TOP1MT: variants seen among roughly 807,000 people sequenced by gnomAD.
TOP1MT encodes DNA topoisomerase I mitochondrial, also known as DNA topoisomerase I, mitochondrial.
Under a neutral mutation model 73.9 loss-of-function variants are expected in TOP1MT, and 80 were observed. That is an observed-to-expected ratio of 1.08 (90% CI 0.90 to 1.30). The LOEUF (loss-of-function observed/expected upper bound fraction) is 1.30. Ranked by LOEUF, TOP1MT falls within the 50% of genes most tolerant of loss-of-function variation. The pLI is 0.00. For missense variants in TOP1MT, 815 were observed against 808.0 expected (o/e 1.01, Z -0.10); for synonymous variants, 338 against 326.4 (o/e 1.04, Z -0.38).
chr8:143,343,043 G>A (rs1406911085), intron 2 of TOP1MT, among the ~76,000 whole-genome samples: 2 of 152,106 alleles, frequency 1.3e-5, no homozygotes, highest in Non-Finnish European at 2.9e-5. Context: ...TTATAGGCAT[G>A]AGCCACCACG....
chr8:143,322,638 ACACGCCACACG>A (rs1458041771), intron 7 of TOP1MT, among the ~76,000 whole-genome samples: 1 of 41,132 alleles, frequency 2.4e-5, no homozygotes, highest in African/African-American at 6.8e-5. Flanking sequence ...CGTCACACAC[ACACGCCACACG>A]CACACCACAC....
At position 143,341,258 on chromosome 8, in the gene TOP1MT, C is replaced by G. The variant is rs1175388951; in HGVS notation, c.29+1962G>C. Among the ~76,000 whole-genome samples, 1 of 152,180 alleles carries G rather than the reference C, an allele frequency of 6.6e-6. No individual in the cohort carries two copies. Among genetic ancestry groups the G allele is most frequent in the African/African-American group, 2.4e-5 (1 of 41,442 alleles). On this transcript the variant is annotated intron_variant, in intron 2 of 5. Transcript: ENST00000518007. This position sits in a 1 kb window ranked among gnomAD's most constrained non-coding sequence, Gnocchi z 4.1. ...GTTTGTGCCTCTCTTCCACACAGCC[C>G]TTGCCCCGGCCAGTGTCTGTGAGCT... is the stretch of plus-strand genomic sequence containing the variant.
At position 143,309,712 on chromosome 8, in the gene TOP1MT, C is replaced by T. The variant is rs756385232; in HGVS notation, c.1704-169G>A. 5.3e-6 allele frequency: 8 copies of T among 1,523,798 alleles called. No individual in the cohort carries two copies. The African/African-American group carries it at 6.9e-5, about 13-fold the overall frequency. 94.4% of individuals were successfully genotyped at this position (1,523,798 alleles called of 1,614,324 possible). On this transcript the variant is annotated intron_variant, in intron 13 of 13. Coordinates refer to ENST00000329245, the MANE Select transcript of TOP1MT (RefSeq NM_052963.3). The stretch of plus-strand genomic sequence containing the variant: ...CAACCCCACCCCACGCATGCCGCCA[C>T]CCTGGAGCATCAGCGAGGTGTCAAA...
chr8:143,313,592 A>G (rs2129875741), intron 12 of TOP1MT, among the ~76,000 whole-genome samples: 1 of 149,298 alleles, frequency 6.7e-6, no homozygotes, highest in South Asian at 2.1e-4. Context: ...AGTGACTCAC[A>G]CCTGTAATCC....
At chr8:143,359,418 CAG>C (rs1231240505), upstream of TOP1MT, 1 of 985,252 alleles carries the variant, frequency 1.0e-6, no homozygotes, top group Admixed American at 6.2e-5. Flanking sequence ...GGGCAGAAGA[CAG>C]AGCGGAATCC....
rs146709361 is a variant in TOP1MT at position 143,321,254 on chromosome 8, A to G, written c.1093T>C (p.Phe365Leu). The G allele has an allele frequency of 6.2e-7, 1 of 1,612,396 alleles. No individual in the cohort carries two copies. The highest frequency in any genetic ancestry group is 2.2e-5 in the East Asian group (1 of 44,842). ...DGCQHVVEFDFLGKDCIRYYN... is the reference protein window; with the variant it reads ...DGCQHVVEFDLLGKDCIRYYN... ...TAGCGGATGCAGTCCTTCCCCAGGA[A>G]GTCAAATTCCACCACGTGTTGGCAG... Residue 365 changes from phenylalanine to leucine, a missense_variant, in exon 8 of 14, where the codon TTC becomes CTC. Physicochemically the swap from Phe to Leu is conservative, Grantham distance 22. Around this residue, in one of 3 missense-constraint regions of TOP1MT, gnomAD observed 751 missense variants for 725.4 expected, o/e 1.04. Coordinates refer to ENST00000329245, the MANE Select transcript of TOP1MT (RefSeq NM_052963.3).
chr8:143,309,439 C>G lies in TOP1MT; in HGVS notation c.*2G>C, dbSNP rs766705958. ...CAAAAGAAGTTTCAACACGGCTCGT[C>G]GTTAGAATTCAAAGTCTTCTCCTGC... On this transcript the variant is annotated 3_prime_UTR_variant, in exon 14 of 14. Coordinates refer to ENST00000329245, the MANE Select transcript of TOP1MT (RefSeq NM_052963.3). The G allele has an allele frequency of 1.2e-6, 2 of 1,613,246 alleles. No homozygotes were observed. Among genetic ancestry groups the G allele is most frequent in the East Asian group, 2.2e-5 (1 of 44,896 alleles).
upstream of TOP1MT, among the ~76,000 whole-genome samples, chr8:143,349,282 C>T (rs774757422): frequency 2.6e-5 from 4 of 152,062 alleles, no homozygotes; most frequent in Non-Finnish European, 2.9e-5. Flanking sequence ...CTCAGGCACA[C>T]GGCACCTGCT....
At chr8:143,323,756 CCACA>C (rs71313298) in intron 7 of TOP1MT, among the ~76,000 whole-genome samples, 2 of 109,292 alleles carry the variant, frequency 1.8e-5, no homozygotes. Context: ...CATGCACGCC[CCACA>C]CAGACATGCC....
upstream of TOP1MT, among the ~76,000 whole-genome samples, chr8:143,345,950 C>A (rs759068801): frequency 6.6e-6 from 1 of 152,154 alleles, no homozygotes; most frequent in African/African-American, 2.4e-5. Flanking sequence ...AGGGAGATGC[C>A]GGGGGCAGGG....
intron 8 of TOP1MT, among the ~76,000 whole-genome samples, chr8:143,320,965 C>T (rs1245782175): frequency 2.6e-5 from 4 of 152,184 alleles, no homozygotes; most frequent in Non-Finnish European, 5.9e-5. Flanking sequence ...ACGAAGCTGG[C>T]GTGACACACG....
At position 143,317,782 on chromosome 8, in the gene TOP1MT, A is replaced by G; in HGVS notation, c.1271T>C (p.Val424Ala). 6.2e-7 allele frequency: 1 copy of G among 1,614,106 alleles called. No individual in the cohort carries two copies. Among genetic ancestry groups the G allele is most frequent in the Non-Finnish European group, 8.5e-7 (1 of 1,180,030 alleles). The change falls in exon 10 of 14, where the codon GTG (valine) becomes GCG (alanine). Residue 424 changes from valine (V) to alanine (A), a missense_variant. Coordinates refer to ENST00000329245, the MANE Select transcript of TOP1MT (RefSeq NM_052963.3). ...GATGGAGGCGTTGTAGGTCCGGAAC[A>G]CCTTGGCCGTCAGCCCGTCCATCAG... ...QELMDGLTAK[V>A]FRTYNASITL...
chr8:143,343,378 G>C (rs1166752113), intron 1 of TOP1MT: 1 of 422,876 alleles, frequency 2.4e-6, no homozygotes, highest in Non-Finnish European at 4.8e-6. Context: ...CCTCATGGAA[G>C]CCTCCCAAGC....
upstream of TOP1MT, among the ~76,000 whole-genome samples, chr8:143,347,406 T>C (rs1041290564): frequency 5.3e-5 from 8 of 152,160 alleles, no homozygotes; most frequent in South Asian, 6.2e-4. Flanking sequence ...CCGCCCGCCT[T>C]GGCCTCCCAG....
upstream of TOP1MT, among the ~76,000 whole-genome samples, chr8:143,347,688 G>GCAGCCAGCCAGC (rs36222627): frequency 1.2e-4 from 18 of 149,986 alleles, no homozygotes; most frequent in East Asian, 9.9e-4. Flanking sequence ...CAGCAGGCAG[G>GCAGCCAGCCAGC]CAGCCAGCCA....
chr8:143,357,820 C>A (rs781232105), upstream of TOP1MT, among the ~76,000 whole-genome samples: 12 of 151,784 alleles, frequency 7.9e-5, no homozygotes, highest in Non-Finnish European at 1.5e-4. Context: ...ACTCAGGAGG[C>A]TGAGGCAGGA....
rs1816629987 is a variant in TOP1MT at position 143,323,941 on chromosome 8, G to T, written c.960+58C>A. 5 of 1,598,330 alleles carry T rather than the reference G, an allele frequency of 3.1e-6. No individual in the cohort carries two copies. The South Asian group carries it at 5.5e-5, about 18-fold the overall frequency. On this transcript the variant is annotated intron_variant, in intron 7 of 13. Coordinates refer to ENST00000329245, the MANE Select transcript of TOP1MT (RefSeq NM_052963.3). ...TCGCCACACTGCACCATCCAACTGGGAGTCCTCGCCAGGAGAACCAGGATG... is the reference window on the plus strand; with the variant it reads ...TCGCCACACTGCACCATCCAACTGGTAGTCCTCGCCAGGAGAACCAGGATG...
chr8:143,328,137 T>G (rs2130269601), intron 3 of TOP1MT: 1 of 427,792 alleles, frequency 2.3e-6, no homozygotes, highest in Admixed American at 2.8e-5. Context: ...CCATGAAAGA[T>G]TTTTGCAAAT....
intron 1 of TOP1MT, 128 bp downstream of exon 1, chr8:143,334,612 C>G: frequency 7.2e-7 from 1 of 1,389,874 alleles, no homozygotes. Context: ...CGCATGCTCT[C>G]CTGGCCCGAC....
Sources: gnomAD v4.1 joint callset for allele counts (sites outside exome capture counted in the v4.1 genomes callset) on GRCh38, gnomAD v4.1.1 for gene constraint, gnomAD v4.1.1 regional missense constraint, Gnocchi (gnomAD v3.1) non-coding constraint, MANE v1.5 for transcripts, NCBI Gene and HGNC (gene_info 2026-07-23, HGNC 2026-07-21) for gene names.